NAV3: variants seen among roughly 807,000 people sequenced by gnomAD.
NAV3 encodes neuron navigator 3.
NAV3 carries 87 observed loss-of-function variants against 244.7 expected under a neutral mutation model. That is an observed-to-expected ratio of 0.36 (90% CI 0.30 to 0.42). NAV3 has a LOEUF of 0.42. Ranked by LOEUF, NAV3 falls within the 20% of genes least tolerant of loss-of-function variation. NAV3 has a pLI of 1.00. For missense variants in NAV3, 2,663 were observed against 2,893.3 expected (o/e 0.92, Z 1.83); for synonymous variants, 1,126 against 1,042.2 (o/e 1.08, Z -1.55).
chr12:77,797,210 T>A (rs530391265), intron 2 of NAV3, among the ~76,000 whole-genome samples: 1 of 152,296 alleles, frequency 6.6e-6, no homozygotes, highest in South Asian at 2.1e-4. Context: ...TGAATATGCA[T>A]TATTGTCTCC....
chr12:78,097,415 G>A (rs1566126937), intron 12 of NAV3, among the ~76,000 whole-genome samples: 1 of 152,172 alleles, frequency 6.6e-6, no homozygotes, highest in Non-Finnish European at 1.5e-5. Flanking sequence ...TGTTACTGCT[G>A]CCATCTGTTG....
At chr12:77,724,463 G>A (rs371698663) in intron 2 of NAV3, among the ~76,000 whole-genome samples, 1 of 151,856 alleles carries the variant, frequency 6.6e-6, no homozygotes, top group Admixed American at 6.6e-5. Flanking sequence ...ACTTTGGGGG[G>A]ATTCAGTTTA....
intron 38 of NAV3, among the ~76,000 whole-genome samples, chr12:78,203,324 G>C (rs1959929643): frequency 6.6e-6 from 1 of 151,996 alleles, no homozygotes. Context: ...ACATAATTAA[G>C]CTTTCCAAGA....
intron 3 of NAV3, among the ~76,000 whole-genome samples, chr12:77,957,508 T>C (rs748766515): frequency 1.3e-5 from 2 of 152,196 alleles, no homozygotes; most frequent in Non-Finnish European, 2.9e-5. Context: ...TTCTTCCAAT[T>C]ACATGTCCTG....
intron 1 of NAV3, among the ~76,000 whole-genome samples, chr12:77,881,519 C>T (rs1882643885): frequency 6.6e-6 from 1 of 152,072 alleles, no homozygotes; most frequent in Admixed American, 6.6e-5. Context: ...AAAACTGGAA[C>T]AAGACAAGGA....
In NAV3 at chr12:78,021,759, A is replaced by G. The variant is rs772711097; in HGVS notation, c.1920A>G (p.Glu640=). The part of the protein sequence containing the change: ...VAPFIYRAHS[E]NEGTALPSAD... ...TGGTTAATTTCAGGGCACATTCAGA[A>G]AATGAAGGTACCGCTTTACCATCGG... The change falls in exon 9 of 40, where the codon GAA becomes GAG. Residue 640 remains glutamate, a synonymous_variant. Transcript: ENST00000397909. The G allele has an allele frequency of 3.1e-6, 5 of 1,607,150 alleles. No homozygotes were observed. Among genetic ancestry groups the G allele is most frequent in the Non-Finnish European group, 3.4e-6 (4 of 1,175,730 alleles).
intron 2 of NAV3, among the ~76,000 whole-genome samples, chr12:77,742,756 G>A (rs1196690874): frequency 6.6e-6 from 1 of 151,980 alleles, no homozygotes; most frequent in African/African-American, 2.4e-5. Context: ...TACTGTACTT[G>A]TATAATAATT....
intron 22 of NAV3, 106 bp downstream of exon 22, chr12:78,149,025 G>T (rs959305829): frequency 1.1e-6 from 1 of 895,010 alleles, no homozygotes. Context: ...TACAGACTTA[G>T]ATTACCAACT....
chr12:78,061,885 T>A (rs1213628350), intron 12 of NAV3, among the ~76,000 whole-genome samples: 2 of 152,148 alleles, frequency 1.3e-5, no homozygotes, highest in East Asian at 3.8e-4. Flanking sequence ...AACCTTTTAA[T>A]CCTGGCACCT....
chr12:78,022,622 C>T (rs141395061), intron 9 of NAV3, among the ~76,000 whole-genome samples: 44 of 151,742 alleles, frequency 2.9e-4, no homozygotes, highest in African/African-American at 1.0e-3. Flanking sequence ...GTATTCACAG[C>T]TAAGTTCAAA....
chr12:78,043,296 G>A (rs1881200839), intron 9 of NAV3, among the ~76,000 whole-genome samples: 1 of 152,204 alleles, frequency 6.6e-6, no homozygotes, highest in Non-Finnish European at 1.5e-5. Context: ...ATTCCATGGT[G>A]TATATGTGCC....
intron 20 of NAV3, 46 bp downstream of exon 20, chr12:78,140,380 A>G (rs774684078): frequency 2.1e-6 from 3 of 1,443,140 alleles, no homozygotes; most frequent in South Asian, 1.1e-5. Flanking sequence ...TGCCATGCAC[A>G]CAGATGATGA....
At chr12:77,700,341 A>G (rs2137199623) in intron 2 of NAV3, among the ~76,000 whole-genome samples, 2 of 152,256 alleles carry the variant, frequency 1.3e-5, no homozygotes, top group Admixed American at 1.3e-4. Flanking sequence ...GGGAGCATGA[A>G]GGAGAGTTTG....
At chr12:78,191,934 T>C (rs999565480) in intron 34 of NAV3, among the ~76,000 whole-genome samples, 2 of 152,120 alleles carry the variant, frequency 1.3e-5, no homozygotes, top group Non-Finnish European at 2.9e-5. Context: ...AATAGATTTA[T>C]TGGAGGAGAC....
intron 1 of NAV3, among the ~76,000 whole-genome samples, chr12:77,864,022 A>G (rs10859503): frequency 0.21 from 31,677 of 151,682 alleles, 4,718 homozygotes; most frequent in African/African-American, 0.42. Flanking sequence ...TTTATGGCAG[A>G]GATTATAATA....
chr12:77,875,589 G>T (rs1881731606), intron 1 of NAV3, among the ~76,000 whole-genome samples: 1 of 151,936 alleles, frequency 6.6e-6, no homozygotes, highest in African/African-American at 2.4e-5. Flanking sequence ...ATTTATGAAT[G>T]TATGAATACA....
chr12:77,935,714 G>A (rs530029218), intron 1 of NAV3, among the ~76,000 whole-genome samples: 2 of 152,290 alleles, frequency 1.3e-5, no homozygotes, highest in South Asian at 4.1e-4. Context: ...GTAAGGAAAA[G>A]AGGTTTAATA....
intron 9 of NAV3, among the ~76,000 whole-genome samples, chr12:78,027,679 C>G (rs1878297064): frequency 6.6e-6 from 1 of 152,068 alleles, no homozygotes; most frequent in Non-Finnish European, 1.5e-5. Flanking sequence ...TCTGTCAGCC[C>G]CTTTAGCTGC....
At chr12:77,628,703 G>C (rs1871746414) in intron 2 of NAV3, among the ~76,000 whole-genome samples, 1 of 151,690 alleles carries the variant, frequency 6.6e-6, no homozygotes. Flanking sequence ...GGGCAACATG[G>C]TGAAACCCTA....
Sources: allele counts gnomAD v4.1 joint callset (sites outside exome capture counted in the v4.1 genomes callset), GRCh38; gene constraint gnomAD v4.1.1; transcripts MANE v1.5; gene names NCBI Gene and HGNC (gene_info 2026-07-23, HGNC 2026-07-21).